NPAS1: variants seen among roughly 807,000 people sequenced by gnomAD.
The protein encoded by NPAS1 is neuronal PAS domain-containing protein 1.
NPAS1 carries 29 observed loss-of-function variants against 49.2 expected under a neutral mutation model. That is an observed-to-expected ratio of 0.59 (90% CI 0.44 to 0.80). NPAS1 has a LOEUF of 0.80. Ranked by LOEUF, NPAS1 falls within the 30% of genes least tolerant of loss-of-function variation. NPAS1 has a pLI of 0.00. For synonymous variants in NPAS1, 408 were observed against 380.4 expected (o/e 1.07, Z -0.84); for missense variants, 825 against 835.5 (o/e 0.99, Z 0.15).
intron 5 of NPAS1, among the ~76,000 whole-genome samples, chr19:47,033,311 G>A (rs1244160587): frequency 6.6e-6 from 1 of 151,150 alleles, no homozygotes; most frequent in Non-Finnish European, 1.5e-5. Flanking sequence ...TACGATCTCA[G>A]CTCACTGCAA....
chr19:47,026,231 G>C (rs2056870179), intron 3 of NPAS1, among the ~76,000 whole-genome samples: 1 of 152,202 alleles, frequency 6.6e-6, no homozygotes, highest in Admixed American at 6.6e-5. Context: ...AAGCCACTGG[G>C]CCCAGCCAAG....
Position 47,021,824 on chromosome 19 carries a change from C to T in NPAS1, c.335C>T (p.Ala112Val). 6.6e-7 allele frequency: 1 copy of T among 1,509,176 alleles called. No individual in the cohort carries two copies. The highest frequency in any genetic ancestry group is 8.8e-7 in the Non-Finnish European group (1 of 1,133,020). 93.5% of individuals were successfully genotyped at this position (1,509,176 alleles called of 1,614,324 possible). Residue 112 changes from alanine (A) to valine (V), a missense_variant, in exon 3 of 12, where the codon GCC becomes GTC. Transcript: ENST00000602212. This position sits in a 1 kb window ranked among gnomAD's most constrained non-coding sequence, Gnocchi z 5.7. Reference protein sequence around the residue: ...ALGAPPWGLRAAGPPAGLAPG... With the variant: ...ALGAPPWGLRVAGPPAGLAPG... The stretch of plus-strand genomic sequence containing the variant: ...GGGGCGCCGCCCTGGGGGCTGAGAG[C>T]CGCGGGGCCGCCAGCTGGCCTCGGT...
intron 3 of NPAS1, among the ~76,000 whole-genome samples, chr19:47,024,945 G>C (rs146030881): frequency 6.6e-6 from 1 of 150,828 alleles, no homozygotes; most frequent in South Asian, 2.1e-4. Flanking sequence ...GAGTAGCTGG[G>C]ATTACAGGCG....
intron 3 of NPAS1, among the ~76,000 whole-genome samples, chr19:47,027,128 C>G (rs2056876069): frequency 6.6e-6 from 1 of 152,210 alleles, no homozygotes; most frequent in African/African-American, 2.4e-5. Flanking sequence ...TGCCCCCATG[C>G]AGCCCTCAGG....
intron 5 of NPAS1, among the ~76,000 whole-genome samples, chr19:47,034,167 A>C (rs2056929391): frequency 6.6e-6 from 1 of 151,772 alleles, no homozygotes; most frequent in African/African-American, 2.4e-5. Flanking sequence ...ATACAAAATT[A>C]GCCAGGCGTG....
intron 6 of NPAS1, among the ~76,000 whole-genome samples, chr19:47,038,679 T>C (rs528142354): frequency 6.6e-6 from 1 of 152,022 alleles, no homozygotes; most frequent in African/African-American, 2.4e-5. Context: ...ATACAAAAAT[T>C]AGTCGGGCAT....
chr19:47,021,878 G>A lies in NPAS1; in HGVS notation c.358+31G>A, dbSNP rs2122423832. ...TGCTCATGCGCGGGGCGAGGGTCCC[G>A]GGGCCCTCCAGGCGGAGTCACTGCA... On this transcript the variant is annotated intron_variant, in intron 3 of 11. Coordinates refer to ENST00000602212, the MANE Select transcript of NPAS1 (RefSeq NM_002517.4). This position sits in a 1 kb window ranked among gnomAD's most constrained non-coding sequence, Gnocchi z 5.7. The A allele has an allele frequency of 7.4e-7, 1 of 1,358,504 alleles. No homozygotes were observed. Among genetic ancestry groups the A allele is most frequent in the Non-Finnish European group, 9.6e-7 (1 of 1,044,062 alleles). 84.2% of individuals were successfully genotyped at this position (1,358,504 alleles called of 1,614,324 possible).
rs140595129 is a variant in NPAS1 at position 47,044,768 on chromosome 19, G to A, written c.1313-423G>A. ...CAGCTGGCCGGGCACAGTGGCTCACGCCTGTAATCCCAGCACTTTGGGAGG... is the reference window on the plus strand; with the variant it reads ...CAGCTGGCCGGGCACAGTGGCTCACACCTGTAATCCCAGCACTTTGGGAGG... On this transcript the variant is annotated intron_variant, in intron 11 of 11. Transcript: ENST00000602212. Among the ~76,000 whole-genome samples the A allele has an allele frequency of 2.9e-3, 439 of 152,288 alleles. 1 individual carries two copies. Among genetic ancestry groups the A allele is most frequent in the African/African-American group, 9.7e-3 (403 of 41,580 alleles).
At chr19:47,032,514 A>C in intron 4 of NPAS1, 129 bp from the exon 5 acceptor site, 2 of 1,096,720 alleles carry the variant, frequency 1.8e-6, no homozygotes, top group South Asian at 2.7e-5. Context: ...AGGACCACTG[A>C]AGCCCCCTCC....
intron 6 of NPAS1, among the ~76,000 whole-genome samples, chr19:47,037,123 G>A (rs1277995549): frequency 6.6e-6 from 1 of 150,402 alleles, no homozygotes; most frequent in African/African-American, 2.4e-5. Context: ...AGGCCGAAGT[G>A]GGCGGATCAC....
At chr19:47,039,679 G>A in intron 8 of NPAS1, 115 bp downstream of exon 8, 1 of 1,172,238 alleles carries the variant, frequency 8.5e-7, no homozygotes, top group Non-Finnish European at 1.2e-6. Context: ...GGAGCCATGG[G>A]AGGCGGAACA....
chr19:47,020,706 A>G (rs900259775), intron 1 of NPAS1, among the ~76,000 whole-genome samples: 2 of 150,676 alleles, frequency 1.3e-5, no homozygotes, highest in African/African-American at 4.9e-5. Flanking sequence ...GGCCGGTTCG[A>G]TCCGTATGCG....
intron 3 of NPAS1, among the ~76,000 whole-genome samples, chr19:47,027,642 G>GCCCCTGGTCTCCCT (rs1568501623): frequency 2.3e-4 from 10 of 43,362 alleles, no homozygotes; most frequent in Non-Finnish European, 3.9e-4. Flanking sequence ...CTGGTCTCCC[G>GCCCCTGGTCTCCCT]TCTGTCTGCC....
At position 47,045,414 on chromosome 19, in the gene NPAS1, C is replaced by T. The variant is rs2057067140; in HGVS notation, c.1536C>T (p.Gly512=). 1 of 1,609,186 alleles carries T rather than the reference C, an allele frequency of 6.2e-7. No homozygotes were observed. Among genetic ancestry groups the T allele is most frequent in the Admixed American group, 1.7e-5 (1 of 59,420 alleles). The change falls in exon 12 of 12, where the codon GGC becomes GGT. Residue 512 remains glycine, a synonymous_variant. Coordinates refer to ENST00000602212, the MANE Select transcript of NPAS1 (RefSeq NM_002517.4). ...VLKQDPVRPW[G]LAPPGDPPPT... is the part of the protein sequence containing the mutation. Reference sequence around the variant, plus strand: ...AGCAGGATCCGGTGCGGCCATGGGGCCTGGCGCCTCCCGGGGACCCCCCGC... The same window carrying T: ...AGCAGGATCCGGTGCGGCCATGGGGTCTGGCGCCTCCCGGGGACCCCCCGC...
chr19:47,045,225 C>T lies in NPAS1; in HGVS notation c.1347C>T (p.Ala449=), dbSNP rs746957560. The change falls in exon 12 of 12, where the codon GCC becomes GCT. Residue 449 remains alanine (A), a synonymous_variant. Coordinates refer to ENST00000602212, the MANE Select transcript of NPAS1 (RefSeq NM_002517.4). The part of the protein sequence containing the change: ...PEPPTEGKQA[A]PAENEAPQTQ... The stretch of plus-strand genomic sequence containing the variant: ...CTCCGACGGAAGGGAAGCAGGCTGC[C>T]CCAGCGGAGAACGAGGCCCCCCAGA... 1.9e-6 allele frequency: 3 copies of T among 1,613,740 alleles called. No individual in the cohort carries two copies. Among genetic ancestry groups the T allele is most frequent in the Non-Finnish European group, 2.5e-6 (3 of 1,179,968 alleles).
chr19:47,042,688 G>C, intron 10 of NPAS1, 122 bp from the exon 11 acceptor site: 1 of 690,502 alleles, frequency 1.4e-6, no homozygotes, highest in Non-Finnish European at 2.3e-6. Flanking sequence ...AAGTGCCTCA[G>C]GGTGGGGACT....
At chr19:47,023,657 C>T (rs1599892223) in intron 3 of NPAS1, among the ~76,000 whole-genome samples, 1 of 152,262 alleles carries the variant, frequency 6.6e-6, no homozygotes, top group East Asian at 1.9e-4. Context: ...ACTCCCATGC[C>T]CTCCTCAGTA....
chr19:47,035,776 G>C, intron 5 of NPAS1, 188 bp from the exon 6 acceptor site: 1 of 594,150 alleles, frequency 1.7e-6, no homozygotes, highest in Non-Finnish European at 2.8e-6. Context: ...TATGAAGCGA[G>C]AAGAGTCTAA....
chr19:47,022,454 T>C (rs2056848164), intron 3 of NPAS1, among the ~76,000 whole-genome samples: 2 of 152,310 alleles, frequency 1.3e-5, no homozygotes, highest in South Asian at 4.1e-4. Flanking sequence ...GAAAAAACGG[T>C]CCAACCTCCC....
Sources: allele counts gnomAD v4.1 joint callset (sites outside exome capture counted in the v4.1 genomes callset), GRCh38; gene constraint gnomAD v4.1.1; non-coding constraint Gnocchi (gnomAD v3.1); transcripts MANE v1.5; gene names NCBI Gene and HGNC (gene_info 2026-07-23, HGNC 2026-07-21).